MS4A18: variants seen among roughly 807,000 people sequenced by gnomAD.
The protein encoded by MS4A18 is membrane spanning 4-domains A18, also known as membrane-spanning 4-domains subfamily A member 18.
Under a neutral mutation model 13.1 loss-of-function variants are expected in MS4A18, and 27 were observed. The observed-to-expected ratio is 2.06, with a 90% CI of 1.52 to 2.84. The LOEUF (loss-of-function observed/expected upper bound fraction) is 2.84. Among genes scored for constraint, MS4A18 ranks in the 30% most tolerant of loss-of-function variants. The probability of loss-of-function intolerance (pLI) is 0.00; values close to 1 mark genes in which losing one functional copy is unlikely to be tolerated. For synonymous variants in MS4A18, 126 were observed against 76.5 expected, an observed-to-expected ratio of 1.65 and a Z score of -3.38; for missense variants, 307 against 196.4, an observed-to-expected ratio of 1.56 and a Z score of -3.37.
At chr11:60,738,136 C>T (rs1853368330) in intron 3 of MS4A18, among the ~76,000 whole-genome samples, 1 of 152,192 alleles carries the variant, frequency 6.6e-6, no homozygotes, top group Non-Finnish European at 1.5e-5. Flanking sequence ...GGCCTCAGCC[C>T]AAATGTAGAA....
At chr11:60,734,119 G>A (rs964958415) in intron 2 of MS4A18, among the ~76,000 whole-genome samples, 6 of 152,084 alleles carry the variant, frequency 3.9e-5, no homozygotes, top group African/African-American at 1.4e-4. Flanking sequence ...AGCTGGGTGT[G>A]GTGGTGTGCA....
intron 1 of MS4A18, among the ~76,000 whole-genome samples, chr11:60,732,730 CAAAAAAAAAA>C (rs200295786): frequency 2.8e-5 from 2 of 71,010 alleles, no homozygotes; most frequent in East Asian, 3.2e-4. Flanking sequence ...GACTCCGTCT[CAAAAAAAAAA>C]AAAAAAAAAA....
At chr11:60,725,123 A>G (rs1853128543), upstream of MS4A18, among the ~76,000 whole-genome samples, 1 of 152,212 alleles carries the variant, frequency 6.6e-6, no homozygotes, top group Admixed American at 6.5e-5. Context: ...CTGTAGGCAC[A>G]CTGTGATCAG....
intron 3 of MS4A18, among the ~76,000 whole-genome samples, chr11:60,738,318 C>T (rs1265511057): frequency 6.6e-6 from 1 of 152,214 alleles, no homozygotes; most frequent in Non-Finnish European, 1.5e-5. Flanking sequence ...AAACCTTCCC[C>T]AGCCAATCCT....
At chr11:60,727,721 C>A (rs1853186843), upstream of MS4A18, among the ~76,000 whole-genome samples, 1 of 152,126 alleles carries the variant, frequency 6.6e-6, no homozygotes. Context: ...GGGATAAGCC[C>A]ACCAGCCACA....
chr11:60,739,931 T>A (rs1430777348), intron 4 of MS4A18, among the ~76,000 whole-genome samples: 1 of 152,034 alleles, frequency 6.6e-6, no homozygotes, highest in African/African-American at 2.4e-5. Context: ...GGACACAGGG[T>A]CTTAAACCAG....
At chr11:60,727,148 A>G (rs1425456136), upstream of MS4A18, among the ~76,000 whole-genome samples, 1 of 152,016 alleles carries the variant, frequency 6.6e-6, no homozygotes, top group Non-Finnish European at 1.5e-5. Context: ...CGTTTTCTTT[A>G]TCCAGTCTAT....
chr11:60,744,630 T>A (rs1425831558), downstream of MS4A18, among the ~76,000 whole-genome samples: 1 of 152,156 alleles, frequency 6.6e-6, no homozygotes, highest in Admixed American at 6.5e-5. Context: ...ACAAAGGACA[T>A]GTTTCCACAA....
At chr11:60,729,672 T>C (rs117250730) in exon 1 of MS4A18, 12 of 702,742 alleles carry the variant, frequency 1.7e-5, no homozygotes, top group Middle Eastern at 2.3e-4. Flanking sequence ...ATCCTCTGAA[T>C]GCTAACCCTG....
chr11:60,730,740 C>T (rs1229102044), intron 1 of MS4A18, among the ~76,000 whole-genome samples: 1 of 152,170 alleles, frequency 6.6e-6, no homozygotes, highest in African/African-American at 2.4e-5. Context: ...CGTTGTTTGC[C>T]TCCCAAACAA....
At chr11:60,735,558 C>G (rs1166230913) in intron 2 of MS4A18, among the ~76,000 whole-genome samples, 1 of 142,620 alleles carries the variant, frequency 7.0e-6, no homozygotes, top group East Asian at 2.1e-4. Flanking sequence ...ACCGTGGTCT[C>G]GATCTCCTGA....
exon 2 of MS4A18, chr11:60,733,629 G>C (rs117959266): frequency 2.8e-6 from 2 of 703,476 alleles, no homozygotes; most frequent in African/African-American, 3.5e-5. Context: ...CAGGGTACCC[G>C]CTCTGGGGAG....
intron 4 of MS4A18, among the ~76,000 whole-genome samples, chr11:60,740,405 T>C (rs971414935): frequency 2.6e-5 from 4 of 152,152 alleles, no homozygotes; most frequent in African/African-American, 9.7e-5. Context: ...ACAGAATCCC[T>C]TGAAGCTCTG....
At chr11:60,744,867 C>T (rs117157674), downstream of MS4A18, among the ~76,000 whole-genome samples, 381 of 152,242 alleles carry the variant, frequency 2.5e-3, 4 homozygotes, top group East Asian at 0.035. Context: ...GAAAACAGAG[C>T]AACTGGAGGT....
At chr11:60,732,026 T>C (rs1182695903) in intron 1 of MS4A18, among the ~76,000 whole-genome samples, 1 of 152,032 alleles carries the variant, frequency 6.6e-6, no homozygotes, top group Non-Finnish European at 1.5e-5. Flanking sequence ...GAAACCCAGG[T>C]CTGTCACCAA....
At chr11:60,740,886 G>A in intron 4 of MS4A18, 144 bp from the exon 6 acceptor site, 1 of 641,542 alleles carries the variant, frequency 1.6e-6, no homozygotes, top group South Asian at 1.8e-5. Context: ...TATAAAATGG[G>A]TGACCCAAGC....
At chr11:60,737,152 C>A in intron 3 of MS4A18, 118 bp downstream of exon 4, 1 of 662,958 alleles carries the variant, frequency 1.5e-6, no homozygotes, top group South Asian at 1.7e-5. Context: ...GGGTACAGTG[C>A]ATTTCCATAC....
upstream of MS4A18, among the ~76,000 whole-genome samples, chr11:60,725,467 T>C (rs1853141009): frequency 6.6e-6 from 1 of 152,200 alleles, no homozygotes; most frequent in Admixed American, 6.5e-5. Context: ...GTGCTGGGAT[T>C]ACAGGCAGAA....
chr11:60,729,350 C>G (rs1300643497), exon 1 of MS4A18: 1 of 702,716 alleles, frequency 1.4e-6, no homozygotes, highest in Non-Finnish European at 2.6e-6. Flanking sequence ...AACAGTGTAC[C>G]TGGCATTATT....
Sources: allele counts gnomAD v4.1 joint callset (sites outside exome capture counted in the v4.1 genomes callset), GRCh38; gene constraint gnomAD v4.1.1; transcripts MANE v1.5; gene names NCBI Gene and HGNC (gene_info 2026-07-23, HGNC 2026-07-21).